The following ANK2 variants were observed in gnomAD, a reference collection of about 807,000 sequenced individuals.
ANK2 encodes the protein ankyrin 2.
ANK2 carries 83 observed loss-of-function variants against 360.5 expected under a neutral mutation model. The observed-to-expected ratio is 0.23, with a 90% CI of 0.19 to 0.28. ANK2 has a LOEUF of 0.28. Ranked by LOEUF, ANK2 falls within the 10% of genes least tolerant of loss-of-function variation. ANK2 has a pLI of 1.00. For missense variants in ANK2, 4,201 were observed against 4,795.7 expected, an observed-to-expected ratio of 0.88 and a Z score of 3.66; for synonymous variants, 1,740 against 1,759.5, an observed-to-expected ratio of 0.99 and a Z score of 0.28.
At chr4:113,374,489 G>A (rs1261959830) in intron 45 of ANK2, among the ~76,000 whole-genome samples, 1 of 152,130 alleles carries the variant, frequency 6.6e-6, no homozygotes, top group Non-Finnish European at 1.5e-5. Context: ...TATTATGTCT[G>A]TATTACACTG....
At chr4:112,781,827 A>ATTTTT in the ANK2 span, among the ~76,000 whole-genome samples, 329 of 124,740 alleles carry the variant, frequency 2.6e-3, 6 homozygotes, top group African/African-American at 8.3e-3. Context: ...TGATAACAGT[A>ATTTTT]TTTTTTTTTT....
chr4:113,015,777 T>C (rs2056447844), intron 2 of ANK2, among the ~76,000 whole-genome samples: 1 of 152,238 alleles, frequency 6.6e-6, no homozygotes, highest in Admixed American at 6.5e-5. Context: ...TCTACTTACA[T>C]GAATTTTTGC....
Position 113,373,107 on chromosome 4 carries a change from A to G in ANK2, c.11628A>G (p.Glu3876=), listed in dbSNP as rs376376716. The G allele has an allele frequency of 3.7e-5, 59 of 1,614,028 alleles. No homozygotes were observed. In the Admixed American group the frequency reaches 7.5e-4, roughly 21 times the overall value. Residue 3876 remains glutamate (E), a synonymous_variant, in exon 44 of 46, where the codon GAA becomes GAG. Transcript: ENST00000357077. ...AAFEKGDDMP[E]IPPETVTEEE... Reference sequence around the variant, plus strand: ...CTGTTTAGGGAGACGATATGCCTGAAATACCCCCAGAAACAGTCACAGAAG... The same window carrying G: ...CTGTTTAGGGAGACGATATGCCTGAGATACCCCCAGAAACAGTCACAGAAG...
At chr4:112,783,313 A>G in the ANK2 span, among the ~76,000 whole-genome samples, 1 of 152,226 alleles carries the variant, frequency 6.6e-6, no homozygotes, top group African/African-American at 2.4e-5. Context: ...CCTATTTAAC[A>G]TAATGGAACA....
At chr4:112,786,393 A>ATTT in the ANK2 span, among the ~76,000 whole-genome samples, 15 of 134,460 alleles carry the variant, frequency 1.1e-4, no homozygotes, top group Admixed American at 3.0e-4. Context: ...AACCACCAGA[A>ATTT]TTTTTTTTTT....
At chr4:112,798,893 G>A in the ANK2 span, among the ~76,000 whole-genome samples, 1 of 152,134 alleles carries the variant, frequency 6.6e-6, no homozygotes, top group Non-Finnish European at 1.5e-5. Flanking sequence ...TACATTCACA[G>A]TGTTGTGCAA....
At chr4:113,276,383 TA>T (rs2060267330) in intron 15 of ANK2, among the ~76,000 whole-genome samples, 1 of 152,240 alleles carries the variant, frequency 6.6e-6, no homozygotes, top group Admixed American at 6.5e-5. Context: ...AGATGCCTTC[TA>T]ACTTTGGTTT....
At chr4:112,994,768 G>T (rs530443713) in intron 2 of ANK2, among the ~76,000 whole-genome samples, 1 of 151,986 alleles carries the variant, frequency 6.6e-6, no homozygotes, top group Non-Finnish European at 1.5e-5. Context: ...TCTTTCCTCT[G>T]CCCCAGTAGT....
chr4:112,957,940 T>C (rs2031484396), intron 2 of ANK2, among the ~76,000 whole-genome samples: 1 of 146,770 alleles, frequency 6.8e-6, no homozygotes, highest in African/African-American at 2.6e-5. Flanking sequence ...GTAGAGGCGC[T>C]CCTCACATCC....
At chr4:112,990,204 G>A (rs2046285056) in intron 2 of ANK2, among the ~76,000 whole-genome samples, 1 of 152,148 alleles carries the variant, frequency 6.6e-6, no homozygotes, top group African/African-American at 2.4e-5. Context: ...AAGACTTTGA[G>A]GCTCTAGTGA....
At position 113,357,627 on chromosome 4, in the gene ANK2, G is replaced by T. The variant is rs930979563; in HGVS notation, c.9009G>T (p.Leu3003Phe). The T allele has an allele frequency of 1.9e-6, 3 of 1,614,162 alleles. No homozygotes were observed. Among genetic ancestry groups the T allele is most frequent in the East Asian group, 2.2e-5 (1 of 44,882 alleles). ...TGGAATCCCAACAGGAAAGTACCTT[G>T]TGGGAAATGCAATCAGACAGTGTCT... ...IKMESQQEST[L>F]WEMQSDSVSS... The change falls in exon 38 of 46, where the codon TTG becomes TTT. Residue 3003 changes from leucine to phenylalanine, a missense_variant. Around this residue, in one of 4 missense-constraint regions of ANK2, gnomAD observed 2,642 missense variants for 2,714.5 expected, o/e 0.97. Coordinates refer to ENST00000357077, the MANE Select transcript of ANK2 (RefSeq NM_001148.6).
chr4:113,311,223 A>G, intron 23 of ANK2, 32 bp from the exon 24 acceptor site: 1 of 1,613,932 alleles, frequency 6.2e-7, no homozygotes. Context: ...CATTCAAGAA[A>G]TAATCCTGCT....
intron 22 of ANK2, among the ~76,000 whole-genome samples, chr4:113,299,846 A>G (rs2074029946): frequency 2.6e-5 from 4 of 152,104 alleles, no homozygotes. Flanking sequence ...TGTGCAATAA[A>G]CCCACCTAAG....
intron 14 of ANK2, among the ~76,000 whole-genome samples, chr4:113,272,057 G>A (rs2058734815): frequency 6.6e-6 from 1 of 152,206 alleles, no homozygotes; most frequent in South Asian, 2.1e-4. Context: ...AAACTCACTT[G>A]AAACTTAGCT....
At chr4:113,295,686 T>G (rs530531596) in intron 22 of ANK2, among the ~76,000 whole-genome samples, 1 of 152,278 alleles carries the variant, frequency 6.6e-6, no homozygotes, top group East Asian at 1.9e-4. Context: ...CCAATAAAAA[T>G]AGAAAACATA....
intron 22 of ANK2, among the ~76,000 whole-genome samples, chr4:113,293,831 T>G (rs1193091698): frequency 1.3e-5 from 2 of 152,206 alleles, no homozygotes; most frequent in African/African-American, 4.8e-5. Context: ...CTGGCTTCTG[T>G]GCCCTTTCCT....
chr4:113,302,996 T>C (rs1029938060), intron 23 of ANK2, among the ~76,000 whole-genome samples, 157 bp downstream of exon 23: 1 of 152,212 alleles, frequency 6.6e-6, no homozygotes, highest in African/African-American at 2.4e-5. Context: ...ACTTTTGCCA[T>C]GGCAGCGGGG....
chr4:112,717,790 A>T, the ANK2 span, among the ~76,000 whole-genome samples: 79,013 of 151,494 alleles, frequency 0.52, 20,880 homozygotes, highest in Middle Eastern at 0.63. Context: ...TTAAAAAAAA[A>T]ATATTTATAA....
At chr4:112,738,886 CAAA>C in the ANK2 span, 4 of 668,626 alleles carry the variant, frequency 6.0e-6, no homozygotes, top group African/African-American at 7.3e-5. Context: ...AACAAACAAA[CAAA>C]AAAACAAAAA....
Sources: allele counts gnomAD v4.1 joint callset (sites outside exome capture counted in the v4.1 genomes callset), GRCh38; gene constraint gnomAD v4.1.1; regional missense constraint gnomAD v4.1.1; transcripts MANE v1.5; gene names NCBI Gene and HGNC (gene_info 2026-07-23, HGNC 2026-07-21).